The following HOXC10 variants were observed in gnomAD, a reference collection of about 807,000 sequenced individuals.
HOXC10 encodes homeobox protein Hox-C10.
Under a neutral mutation model 26.0 loss-of-function variants are expected in HOXC10, and 15 were observed. The ratio of observed to expected loss-of-function variants is 0.58; its 90% CI spans 0.39 to 0.89. HOXC10 has a LOEUF of 0.89. HOXC10 is among the 40% of genes least tolerant of loss of function. The pLI is 0.00. For synonymous variants in HOXC10, 196 were observed against 185.5 expected (o/e 1.06, Z -0.46); for missense variants, 446 against 451.9 (o/e 0.99, Z 0.12).
chr12:53,985,845 G>A lies in HOXC10; in HGVS notation c.586G>A (p.Val196Met), dbSNP rs1171714187. ...GGAATCGCCTCAGCTGGGGGGCAAA[G>A]TGAGTTTCCCTGAGACCCCCAAGTC... ...HLESPQLGGK[V>M]SFPETPKSDS... is the part of the protein sequence containing the mutation. The change falls in exon 1 of 2, where the codon GTG (valine) becomes ATG (methionine). Residue 196 changes from valine to methionine, a missense_variant. Transcript: ENST00000303460. 6.2e-7 allele frequency: 1 copy of A among 1,613,734 alleles called. No homozygotes were observed. Among genetic ancestry groups the A allele is most frequent in the African/African-American group, 1.3e-5 (1 of 74,924 alleles).
At position 53,989,430 on chromosome 12, in the gene HOXC10, A is replaced by G. The variant is rs763243890; in HGVS notation, c.1013A>G (p.Asn338Ser). The G allele has an allele frequency of 7.9e-5, 127 of 1,612,810 alleles. No individual in the cohort carries two copies. The highest frequency in any genetic ancestry group is 1.0e-4 in the Non-Finnish European group (118 of 1,179,314). The change falls in exon 2 of 2, where the codon AAT becomes AGT. Residue 338 changes from asparagine (N) to serine (S), a missense_variant. Physicochemically the swap from Asn to Ser is conservative, Grantham distance 46 (BLOSUM62 1). Transcript: ENST00000303460. ...RENRIRELTSNFNFT is the reference protein window; with the variant it reads ...RENRIRELTSSFNFT ...AATCGGATCCGGGAACTGACCTCCA[A>G]TTTTAATTTCACCTGAGAGCGCGGC...
intron 1 of HOXC10, among the ~76,000 whole-genome samples, chr12:53,988,372 T>G (rs1425190982): frequency 6.6e-6 from 1 of 152,238 alleles, no homozygotes; most frequent in East Asian, 1.9e-4. Context: ...CATACACATC[T>G]ACGTATGCAC....
Position 53,985,838 on chromosome 12 carries a change from G to A in HOXC10, c.579G>A (p.Gly193=). 6.2e-7 allele frequency: 1 copy of A among 1,613,842 alleles called. No individual in the cohort carries two copies. The highest frequency in any genetic ancestry group is 8.5e-7 in the Non-Finnish European group (1 of 1,180,024). Residue 193 remains glycine (G), a synonymous_variant, in exon 1 of 2, where the codon GGG becomes GGA. Transcript: ENST00000303460. The part of the protein sequence containing the change: ...RAEHLESPQL[G]GKVSFPETPK... ...AACATCTGGAATCGCCTCAGCTGGG[G>A]GGCAAAGTGAGTTTCCCTGAGACCC...
chr12:53,985,433 G>C lies in HOXC10; in HGVS notation c.174G>C (p.Glu58Asp). ...CGCCCTCGCTCTCCAAGAGGGACGA[G>C]GGCAGCAGCCCCAGCCTCGCCCTCA... ...GLAPSLSKRD[E>D]GSSPSLALNT... The change falls in exon 1 of 2, where the codon GAG (glutamate) becomes GAC (aspartate). Residue 58 changes from glutamate (E) to aspartate (D), a missense_variant. Physicochemically the swap from Glu to Asp is conservative, Grantham distance 45 (BLOSUM62 2). Transcript: ENST00000303460. 6.2e-7 allele frequency: 1 copy of C among 1,612,568 alleles called. No homozygotes were observed.
chr12:53,985,512 G>T lies in HOXC10; in HGVS notation c.253G>T (p.Ala85Ser), dbSNP rs752086566. 1.1e-5 allele frequency: 18 copies of T among 1,613,690 alleles called. No homozygotes were observed. Among genetic ancestry groups the T allele is most frequent in the South Asian group, 4.4e-5 (4 of 91,090 alleles). The stretch of plus-strand genomic sequence containing the variant: ...GGACTCCTGGGGCGACCCCAAAGCC[G>T]CCTATCGCCTGGAACAACCTGTTGG... Reference protein sequence around the residue: ...QLDSWGDPKAAYRLEQPVGRP... With the variant: ...QLDSWGDPKASYRLEQPVGRP... Residue 85 changes from alanine (A) to serine (S), a missense_variant, in exon 1 of 2, where the codon GCC (alanine) becomes TCC (serine). Physicochemically the swap from Ala to Ser is moderately conservative, Grantham distance 99. Coordinates refer to ENST00000303460, the MANE Select transcript of HOXC10 (RefSeq NM_017409.4).
chr12:53,986,070 G>T (rs1276905438), intron 1 of HOXC10, 60 bp downstream of exon 1: 5 of 1,483,018 alleles, frequency 3.4e-6, no homozygotes, highest in Non-Finnish European at 4.5e-6. Context: ...CTTCGCGGCC[G>T]GGGAGGGGGG....
chr12:53,989,534 C>T lies in HOXC10; in HGVS notation c.*88C>T, dbSNP rs1939485689. ...CTGGTGATATATTTTTTTTTCCTCC[C>T]TGAGTATAAATGCAATGCGACTGCA... is the stretch of plus-strand genomic sequence containing the variant. On this transcript the variant is annotated 3_prime_UTR_variant, in exon 2 of 2. Transcript: ENST00000303460. 2 of 1,346,820 alleles carry T rather than the reference C, an allele frequency of 1.5e-6. No homozygotes were observed. The highest frequency in any genetic ancestry group is 1.5e-5 in the South Asian group (1 of 67,204). The allele number at this position is 1,346,820 out of a possible 1,614,324, so 83.4% of individuals were successfully genotyped here.
intron 1 of HOXC10, among the ~76,000 whole-genome samples, chr12:53,987,307 C>G (rs540227322): frequency 6.6e-6 from 1 of 152,348 alleles, no homozygotes; most frequent in Admixed American, 6.5e-5. Context: ...CATGCACAGG[C>G]ACTCTTTTGG....
chr12:53,985,166 C>T lies in HOXC10; in HGVS notation c.-94C>T. The T allele has an allele frequency of 2.1e-6, 2 of 946,312 alleles. No individual in the cohort carries two copies. Among genetic ancestry groups the T allele is most frequent in the Non-Finnish European group, 1.4e-6 (1 of 696,782 alleles). The allele number at this position is 946,312 out of a possible 1,614,324, so 58.6% of individuals were successfully genotyped here. A position where few individuals can be genotyped will look rare whatever the true frequency, so the allele number is the denominator to read the frequency against. On this transcript the variant is annotated 5_prime_UTR_variant, in exon 1 of 2. Transcript: ENST00000303460. ...CCCCTCCCCTTCTTTTTCCTCCCTC[C>T]CCTCCAACCGCGCCCCCCCTCCCGG...
In HOXC10 at chr12:53,985,604, C is replaced by T. The variant is rs751259175; in HGVS notation, c.345C>T (p.Ser115=). ...VKEENVCCMY[S]AEKRAKSGPE... ...AGGAGAATGTCTGCTGCATGTACAG[C>T]GCAGAGAAGCGGGCGAAAAGTGGCC... Residue 115 remains serine, a synonymous_variant, in exon 1 of 2, where the codon AGC becomes AGT. Coordinates refer to ENST00000303460, the MANE Select transcript of HOXC10 (RefSeq NM_017409.4). The T allele has an allele frequency of 1.2e-6, 2 of 1,613,744 alleles. No individual in the cohort carries two copies. The highest frequency in any genetic ancestry group is 1.7e-6 in the Non-Finnish European group (2 of 1,180,040).
At position 53,989,165 on chromosome 12, in the gene HOXC10, A is replaced by G; in HGVS notation, c.752-4A>G. The G allele has an allele frequency of 4.4e-6, 7 of 1,594,066 alleles. No homozygotes were observed. The highest frequency in any genetic ancestry group is 6.0e-6 in the Non-Finnish European group (7 of 1,172,562). ...ACTTATGTAAATAATGTTATTTTTA[A>G]CAGAGGAGATAAAGGCAGAAAACAC... On this transcript the variant is annotated splice_polypyrimidine_tract_variant and splice_region_variant and intron_variant, in intron 1 of 1. Coordinates refer to ENST00000303460, the MANE Select transcript of HOXC10 (RefSeq NM_017409.4).
At chr12:53,986,261 C>T in intron 1 of HOXC10, 1 of 423,526 alleles carries the variant, frequency 2.4e-6, no homozygotes, top group Middle Eastern at 6.1e-4. Flanking sequence ...CGGTGCGCAC[C>T]GCGGGCCGCC....
In HOXC10 at chr12:53,985,150, T is replaced by G. The variant is rs1380475995; in HGVS notation, c.-110T>G. On this transcript the variant is annotated 5_prime_UTR_variant, in exon 1 of 2. Transcript: ENST00000303460. ...GGAGCTGATATTTCCCCCCCTCCCC[T>G]TCTTTTTCCTCCCTCCCCTCCAACC... 5.4e-4 allele frequency: 115 copies of G among 213,850 alleles called. No homozygotes were observed. Among genetic ancestry groups the G allele is most frequent in the East Asian group, 1.3e-3 (13 of 9,996 alleles). The allele number at this position is 213,850 out of a possible 1,614,324, so 13.2% of individuals were successfully genotyped here.
At chr12:53,986,259 A>C (rs1939434345) in intron 1 of HOXC10, 12 of 423,650 alleles carry the variant, frequency 2.8e-5, no homozygotes, top group East Asian at 8.3e-5. Flanking sequence ...GGCGGTGCGC[A>C]CCGCGGGCCG....
chr12:53,988,218 A>T (rs1300525961), intron 1 of HOXC10, among the ~76,000 whole-genome samples: 1 of 152,216 alleles, frequency 6.6e-6, no homozygotes, highest in Non-Finnish European at 1.5e-5. Context: ...TGTGTCAGGG[A>T]TAGAGGCTGT....
chr12:53,985,974 G>A lies in HOXC10; in HGVS notation c.715G>A (p.Asp239Asn). 6.3e-7 allele frequency: 1 copy of A among 1,599,080 alleles called. No individual in the cohort carries two copies. Among genetic ancestry groups the A allele is most frequent in the Non-Finnish European group, 8.5e-7 (1 of 1,172,910 alleles). Residue 239 changes from aspartate to asparagine, a missense_variant, in exon 1 of 2, where the codon GAC (aspartate) becomes AAC (asparagine). Coordinates refer to ENST00000303460, the MANE Select transcript of HOXC10 (RefSeq NM_017409.4). ...ESEKERAKAA[D>N]SSPDTSDNEA... ...CGAAAAGGAGAGGGCCAAAGCTGCCGACTCCAGCCCAGACACCTCGGATAA... is the reference window on the plus strand; with the variant it reads ...CGAAAAGGAGAGGGCCAAAGCTGCCAACTCCAGCCCAGACACCTCGGATAA...
Position 53,985,773 on chromosome 12 carries a change from G to T in HOXC10, c.514G>T (p.Ala172Ser), listed in dbSNP as rs1939422573. ...PHCSGANDFEAPFEQRASLNP... is the reference protein window; with the variant it reads ...PHCSGANDFESPFEQRASLNP... The stretch of plus-strand genomic sequence containing the variant: ...CTGTTCTGGGGCCAACGACTTCGAA[G>T]CCCCTTTCGAGCAGCGGGCCAGTCT... The change falls in exon 1 of 2, where the codon GCC becomes TCC. Residue 172 changes from alanine (A) to serine (S), a missense_variant. By Grantham distance (99) the Ala-to-Ser change is moderately conservative. Coordinates refer to ENST00000303460, the MANE Select transcript of HOXC10 (RefSeq NM_017409.4). 6.2e-7 allele frequency: 1 copy of T among 1,613,718 alleles called. No individual in the cohort carries two copies. The highest frequency in any genetic ancestry group is 8.5e-7 in the Non-Finnish European group (1 of 1,179,978).
intron 1 of HOXC10, among the ~76,000 whole-genome samples, chr12:53,986,886 A>G (rs529604338): frequency 6.6e-6 from 1 of 152,362 alleles, no homozygotes; most frequent in Admixed American, 6.5e-5. Context: ...AAGCCCAGCC[A>G]GAGTTCAAGC....
chr12:53,987,322 C>A (rs1187416386), intron 1 of HOXC10, among the ~76,000 whole-genome samples: 1 of 152,300 alleles, frequency 6.6e-6, no homozygotes, highest in East Asian at 1.9e-4. Context: ...TTTTGGCGGG[C>A]AAGGGCAGAG....
Sources: allele counts gnomAD v4.1 joint callset (sites outside exome capture counted in the v4.1 genomes callset), GRCh38; gene constraint gnomAD v4.1.1; transcripts MANE v1.5; gene names NCBI Gene and HGNC (gene_info 2026-07-23, HGNC 2026-07-21).